Variants in RPS6KA2 observed in about 807,000 individuals in gnomAD.
The protein encoded by RPS6KA2 is ribosomal protein S6 kinase alpha-2.
RPS6KA2 carries 42 observed loss-of-function variants against 91.8 expected under a neutral mutation model. The observed-to-expected ratio is 0.46, with a 90% confidence interval of 0.36 to 0.59. The LOEUF (loss-of-function observed/expected upper bound fraction) is 0.59, where lower values mean the gene tolerates loss of function less well. RPS6KA2 is among the 20% of genes least tolerant of loss of function. The pLI, the probability that RPS6KA2 is intolerant of heterozygous loss-of-function variation, is 0.00. For missense variants in RPS6KA2, 798 were observed against 978.5 expected (o/e 0.82, Z 2.46); for synonymous variants, 414 against 393.6 (o/e 1.05, Z -0.61).
intron 13 of RPS6KA2, among the ~76,000 whole-genome samples, chr6:166,449,553 C>A (rs910138766): frequency 1.3e-5 from 2 of 152,148 alleles, no homozygotes; most frequent in Non-Finnish European, 2.9e-5. Flanking sequence ...CTTCCAAAGA[C>A]CTCCCAAAGA....
At chr6:166,416,746 T>C (rs1258977234) in intron 19 of RPS6KA2, among the ~76,000 whole-genome samples, 1 of 150,702 alleles carries the variant, frequency 6.6e-6, no homozygotes, top group East Asian at 2.0e-4. Flanking sequence ...ATCACCTCCA[T>C]CATCACTCCT....
At chr6:166,827,058 GTGTT>G (rs1310175913) in intron 2 of RPS6KA2, among the ~76,000 whole-genome samples, 5 of 152,078 alleles carry the variant, frequency 3.3e-5, no homozygotes, top group Admixed American at 3.3e-4. Flanking sequence ...AGAGCACAAA[GTGTT>G]AGTTATGTAG....
intron 2 of RPS6KA2, among the ~76,000 whole-genome samples, chr6:166,802,534 C>T (rs2128618194): frequency 6.6e-6 from 1 of 152,270 alleles, no homozygotes; most frequent in African/African-American, 2.4e-5. Flanking sequence ...GCCTTTGCTG[C>T]ACGACCGTCT....
At chr6:166,541,246 A>G (rs926565812) in intron 1 of RPS6KA2, among the ~76,000 whole-genome samples, 1 of 152,234 alleles carries the variant, frequency 6.6e-6, no homozygotes, top group South Asian at 2.1e-4. Context: ...AGTAAAATTC[A>G]ACACCGCCCA....
intron 1 of RPS6KA2, among the ~76,000 whole-genome samples, chr6:166,590,773 C>T (rs575708142): frequency 8.6e-5 from 13 of 151,916 alleles, no homozygotes; most frequent in Non-Finnish European, 1.5e-4. Context: ...AAAAAAAAAC[C>T]TCATTGAGGC....
intron 1 of RPS6KA2, among the ~76,000 whole-genome samples, chr6:166,570,656 A>G (rs983360074): frequency 2.0e-5 from 3 of 152,250 alleles, no homozygotes; most frequent in Non-Finnish European, 2.9e-5. Context: ...ACAAAAAGAA[A>G]TACACACATA....
Position 166,490,851 on chromosome 6 carries a change from A to C in RPS6KA2, c.748-110T>G. On this transcript the variant is annotated intron_variant, in intron 8 of 20. Coordinates refer to ENST00000265678, the MANE Select transcript of RPS6KA2 (RefSeq NM_021135.6). This position sits in a 1 kb window ranked among gnomAD's most constrained non-coding sequence, Gnocchi z 4.2. Reference sequence around the variant, plus strand: ...TACCGTGTCCATTTCCTCATGCAAAATCTCCATCAGTCAATTGTAGCCACT... The same window carrying C: ...TACCGTGTCCATTTCCTCATGCAAACTCTCCATCAGTCAATTGTAGCCACT... 1.3e-6 allele frequency: 1 copy of C among 765,154 alleles called. No homozygotes were observed. The highest frequency in any genetic ancestry group is 2.2e-6 in the Non-Finnish European group (1 of 452,854). The allele number at this position is 765,154 out of a possible 1,614,324, so 47.4% of individuals were successfully genotyped here.
At chr6:166,771,080 G>A (rs562294266) in intron 2 of RPS6KA2, among the ~76,000 whole-genome samples, 12 of 152,210 alleles carry the variant, frequency 7.9e-5, no homozygotes, top group African/African-American at 1.7e-4. Context: ...AGTTTCTTTC[G>A]CGTTCAGGAA....
chr6:166,817,354 G>A (rs1189063576), intron 2 of RPS6KA2, among the ~76,000 whole-genome samples: 5 of 151,618 alleles, frequency 3.3e-5, no homozygotes, highest in African/African-American at 1.2e-4. Context: ...GGTTAGATGG[G>A]GAACACAGAT....
intron 6 of RPS6KA2, among the ~76,000 whole-genome samples, chr6:166,502,878 G>A (rs1782072870): frequency 6.6e-6 from 1 of 152,194 alleles, no homozygotes; most frequent in Non-Finnish European, 1.5e-5. Context: ...TCTGGATAAA[G>A]TCTTTTTTGA....
intron 11 of RPS6KA2, among the ~76,000 whole-genome samples, chr6:166,469,207 A>T (rs1392532611): frequency 6.6e-6 from 1 of 152,202 alleles, no homozygotes; most frequent in Non-Finnish European, 1.5e-5. Context: ...CTTGGTGAAA[A>T]GTGAGATACG....
At chr6:166,550,750 C>A (rs567599564) in intron 1 of RPS6KA2, among the ~76,000 whole-genome samples, 3 of 152,104 alleles carry the variant, frequency 2.0e-5, no homozygotes, top group Admixed American at 1.3e-4. Flanking sequence ...CGCCTGTAAT[C>A]CCAGCACTTT....
At chr6:166,491,841 GT>G (rs1339835111) in intron 8 of RPS6KA2, among the ~76,000 whole-genome samples, 2 of 151,838 alleles carry the variant, frequency 1.3e-5, no homozygotes, top group African/African-American at 4.8e-5. Context: ...TTTTTATTTT[GT>G]TTTAAAAACA....
chr6:166,438,627 C>T (rs1463561117), intron 14 of RPS6KA2, among the ~76,000 whole-genome samples: 1 of 152,226 alleles, frequency 6.6e-6, no homozygotes, highest in African/African-American at 2.4e-5. Context: ...GTGCGGTCTT[C>T]TTCTCCTGCA....
At chr6:166,610,431 A>G (rs1786129835) in intron 1 of RPS6KA2, among the ~76,000 whole-genome samples, 1 of 152,258 alleles carries the variant, frequency 6.6e-6, no homozygotes, top group Non-Finnish European at 1.5e-5. Flanking sequence ...CAAGAACAAA[A>G]TTCAAAGGAA....
At chr6:166,479,366 G>A (rs1781102416) in intron 10 of RPS6KA2, among the ~76,000 whole-genome samples, 1 of 152,288 alleles carries the variant, frequency 6.6e-6, no homozygotes, top group Non-Finnish European at 1.5e-5. Context: ...AGCAGGCGAT[G>A]CTGGGGACAG....
chr6:166,592,907 G>A (rs1315807712), intron 1 of RPS6KA2, among the ~76,000 whole-genome samples: 1 of 152,142 alleles, frequency 6.6e-6, no homozygotes, highest in Non-Finnish European at 1.5e-5. Flanking sequence ...AAAAACATCA[G>A]CACAAAAGGT....
At chr6:166,763,438 C>T (rs892640411) in intron 2 of RPS6KA2, among the ~76,000 whole-genome samples, 8 of 152,320 alleles carry the variant, frequency 5.3e-5, no homozygotes, top group African/African-American at 1.9e-4. Context: ...TAATTGCCTC[C>T]ATGCTCTTAT....
chr6:166,469,763 T>C lies in RPS6KA2; in HGVS notation c.972+78A>G. On this transcript the variant is annotated intron_variant, in intron 11 of 20. Coordinates refer to ENST00000265678, the MANE Select transcript of RPS6KA2 (RefSeq NM_021135.6). Reference sequence around the variant, plus strand: ...CTTGTGACCCGGACACTGAGGACCCTCTGCACCAAGCCGTATGTTCCCTCC... The same window carrying C: ...CTTGTGACCCGGACACTGAGGACCCCCTGCACCAAGCCGTATGTTCCCTCC... 10 of 1,305,442 alleles carry C rather than the reference T, an allele frequency of 7.7e-6. No individual in the cohort carries two copies. The South Asian group carries it at 1.1e-4, about 14-fold the overall frequency. The allele number at this position is 1,305,442 out of a possible 1,614,324, so 80.9% of individuals were successfully genotyped here.
Sources: allele counts gnomAD v4.1 joint callset (sites outside exome capture counted in the v4.1 genomes callset), GRCh38; gene constraint gnomAD v4.1.1; non-coding constraint Gnocchi (gnomAD v3.1); transcripts MANE v1.5; gene names NCBI Gene and HGNC (gene_info 2026-07-23, HGNC 2026-07-21).